ADGRL2: variants seen among roughly 807,000 people sequenced by gnomAD.
The protein encoded by ADGRL2 is adhesion G protein-coupled receptor L2, also known as calcium-independent alpha-latrotoxin receptor 2.
In ADGRL2, 44 loss-of-function variants were observed where a neutral mutation model predicts 157.4. The ratio of observed to expected loss-of-function variants is 0.28; its 90% CI spans 0.22 to 0.36. ADGRL2 has a LOEUF of 0.36. ADGRL2 is among the 10% of genes least tolerant of loss of function. ADGRL2 has a pLI of 1.00. For missense variants in ADGRL2, 1,510 were observed against 1,768.9 expected, an observed-to-expected ratio of 0.85 and a Z score of 2.63; for synonymous variants, 585 against 624.7, an observed-to-expected ratio of 0.94 and a Z score of 0.95.
At chr1:81,924,639 G>C (rs1467737848) in intron 3 of ADGRL2, among the ~76,000 whole-genome samples, 1 of 152,052 alleles carries the variant, frequency 6.6e-6, no homozygotes, top group African/African-American at 2.4e-5. Context: ...AATTATATTA[G>C]ATCGGTGATT....
rs1420546002 is a variant in ADGRL2 at position 81,724,581 on chromosome 1, G to C, written c.-143+24773G>C. Among the ~76,000 whole-genome samples, 3 of 152,082 alleles carry C rather than the reference G, an allele frequency of 2.0e-5. No individual in the cohort carries two copies. In the East Asian group the frequency reaches 5.8e-4, roughly 29 times the overall value. On this transcript the variant is annotated intron_variant, in intron 1 of 20. Transcript: ENST00000359929. ...TGATAAAGAAAATGATAAATTTTCT[G>C]TTGTGCATTCAATTCTTATTTTAAA...
intron 1 of ADGRL2, among the ~76,000 whole-genome samples, chr1:81,430,245 T>A (rs79731287): frequency 6.6e-6 from 1 of 152,174 alleles, no homozygotes; most frequent in Non-Finnish European, 1.5e-5. Flanking sequence ...AAATGATAGA[T>A]GGCAATGTAG....
At chr1:81,653,131 T>C (rs190488829) in intron 3 of ADGRL2, among the ~76,000 whole-genome samples, 173 of 152,240 alleles carry the variant, frequency 1.1e-3, no homozygotes, top group African/African-American at 3.9e-3. Context: ...ACATATATAT[T>C]CAAAATACTT....
At chr1:81,502,466 A>AT (rs1281926230) in intron 2 of ADGRL2, 2 of 1,613,910 alleles carry the variant, frequency 1.2e-6, no homozygotes, top group Non-Finnish European at 1.7e-6. Context: ...CTTCGTCTTT[A>AT]TGCAGAAGAG....
At chr1:81,502,934 C>T (rs867056822) in intron 2 of ADGRL2, 2 of 1,612,294 alleles carry the variant, frequency 1.2e-6, no homozygotes, top group Middle Eastern at 1.7e-4. Context: ...ATATCCCCAG[C>T]AACCACTCTC....
intron 1 of ADGRL2, among the ~76,000 whole-genome samples, chr1:81,709,816 T>G (rs2083863905): frequency 6.6e-6 from 1 of 152,248 alleles, no homozygotes; most frequent in Middle Eastern, 3.4e-3. Flanking sequence ...TTAAAAAAAT[T>G]TTCGAAACAT....
intron 1 of ADGRL2, among the ~76,000 whole-genome samples, chr1:81,404,744 A>G (rs1319196452): frequency 1.3e-5 from 2 of 152,206 alleles, no homozygotes; most frequent in Non-Finnish European, 2.9e-5. Flanking sequence ...GTGGAGATTT[A>G]GATCTCTTCT....
chr1:81,884,099 C>A (rs181985013), intron 2 of ADGRL2, among the ~76,000 whole-genome samples: 19 of 152,084 alleles, frequency 1.2e-4, no homozygotes, highest in Middle Eastern at 3.4e-3. Flanking sequence ...GATCCTCCCC[C>A]CTCAGCCCCC....
chr1:81,576,605 A>G (rs1464738453), intron 2 of ADGRL2, among the ~76,000 whole-genome samples: 2 of 152,102 alleles, frequency 1.3e-5, no homozygotes, highest in African/African-American at 4.8e-5. Context: ...CTAGGTGCCA[A>G]AAATGTGGTG....
At chr1:81,549,053 C>T (rs1218997018) in intron 2 of ADGRL2, among the ~76,000 whole-genome samples, 2 of 152,228 alleles carry the variant, frequency 1.3e-5, no homozygotes, top group Non-Finnish European at 2.9e-5. Flanking sequence ...AATGAGCCCT[C>T]TCCCATGTTT....
chr1:81,467,394 C>T (rs2078079798), intron 2 of ADGRL2, among the ~76,000 whole-genome samples: 1 of 152,052 alleles, frequency 6.6e-6, no homozygotes, highest in Non-Finnish European at 1.5e-5. Context: ...TTAAAAAAGA[C>T]AGGGAGGAAA....
At chr1:81,386,512 C>T (rs1282667165) in intron 1 of ADGRL2, among the ~76,000 whole-genome samples, 1 of 152,142 alleles carries the variant, frequency 6.6e-6, no homozygotes, top group Non-Finnish European at 1.5e-5. Context: ...GTGATTTTCT[C>T]TGCAACAATC....
At chr1:81,356,696 G>A (rs1198580907) in intron 1 of ADGRL2, among the ~76,000 whole-genome samples, 1 of 152,084 alleles carries the variant, frequency 6.6e-6, no homozygotes, top group African/African-American at 2.4e-5. Context: ...GCTCACGCCT[G>A]TAATCCCAGC....
chr1:81,366,423 C>T (rs1460676118), intron 1 of ADGRL2, among the ~76,000 whole-genome samples: 3 of 152,086 alleles, frequency 2.0e-5, no homozygotes, highest in Non-Finnish European at 4.4e-5. Flanking sequence ...ACCACTGTAG[C>T]CAGAGAGTAG....
intron 1 of ADGRL2, among the ~76,000 whole-genome samples, chr1:81,432,339 G>T (rs1355579347): frequency 6.6e-6 from 1 of 152,224 alleles, no homozygotes; most frequent in African/African-American, 2.4e-5. Flanking sequence ...TAAAATCCTT[G>T]ATCAGCAAGC....
chr1:81,640,389 C>T (rs1039402687), intron 3 of ADGRL2, among the ~76,000 whole-genome samples: 2 of 151,956 alleles, frequency 1.3e-5, no homozygotes, highest in African/African-American at 4.8e-5. Flanking sequence ...AATCCCGGCA[C>T]TTTGAGAGGC....
chr1:81,914,856 C>T (rs1181853244), intron 3 of ADGRL2, among the ~76,000 whole-genome samples: 7 of 152,106 alleles, frequency 4.6e-5, no homozygotes. Context: ...CCTAATTGGA[C>T]ACATACTTTG....
intron 1 of ADGRL2, among the ~76,000 whole-genome samples, chr1:81,372,433 T>A (rs2076176197): frequency 6.6e-6 from 1 of 152,190 alleles, no homozygotes; most frequent in East Asian, 1.9e-4. Context: ...GCAGTCAAGA[T>A]TGCTGTTCTC....
chr1:81,987,846 A>G, intron 22 of ADGRL2, 23 bp from the exon 23 acceptor site: 1 of 310,680 alleles, frequency 3.2e-6, no homozygotes, highest in Non-Finnish European at 6.7e-6. Flanking sequence ...GTTTTTTTTC[A>G]CTTTCCTTAT....
Sources: gnomAD v4.1 joint callset for allele counts (sites outside exome capture counted in the v4.1 genomes callset) on GRCh38, gnomAD v4.1.1 for gene constraint, MANE v1.5 for transcripts, NCBI Gene and HGNC (gene_info 2026-07-23, HGNC 2026-07-21) for gene names.